The following ITGB5 variants were observed in gnomAD, a reference collection of about 807,000 sequenced individuals.
The protein encoded by ITGB5 is integrin beta-5.
ITGB5 carries 38 observed loss-of-function variants against 84.8 expected under a neutral mutation model. The ratio of observed to expected loss-of-function variants is 0.45; its 90% CI spans 0.35 to 0.59. ITGB5 has a LOEUF of 0.59. ITGB5 is among the 20% of genes least tolerant of loss of function. The pLI, the probability that ITGB5 is intolerant of heterozygous loss-of-function variation, is 0.01. For synonymous variants in ITGB5, 393 were observed against 414.4 expected, an observed-to-expected ratio of 0.95 and a Z score of 0.63; for missense variants, 905 against 1,034.5, an observed-to-expected ratio of 0.87 and a Z score of 1.72.
Position 124,783,286 on chromosome 3 carries a change from G to A in ITGB5, c.1694-9374C>T, listed in dbSNP as rs540780590. On this transcript the variant is annotated intron_variant, in intron 10 of 14. Coordinates refer to ENST00000296181, the MANE Select transcript of ITGB5 (RefSeq NM_002213.5). ...ACCCTGGGCAACAGAGCGAGACTCC[G>A]TCTCAAAAAAAAAAAAAAAAAAAAA... Among the ~76,000 whole-genome samples, 33 of 109,998 alleles carry A rather than the reference G, an allele frequency of 3.0e-4. No homozygotes were observed. The South Asian group carries it at 5.7e-3, about 19-fold the overall frequency. The allele number at this position is 109,998 out of a possible 152,430, so 72.2% of individuals were successfully genotyped here. A position where few individuals can be genotyped will look rare whatever the true frequency, so the allele number is the denominator to read the frequency against.
At chr3:124,870,547 T>C (rs1166327131) in intron 2 of ITGB5, among the ~76,000 whole-genome samples, 1 of 152,042 alleles carries the variant, frequency 6.6e-6, no homozygotes, top group African/African-American at 2.4e-5. Context: ...GCCAAGACGG[T>C]GAAACCCCGT....
chr3:124,854,687 T>C (rs913094396), intron 3 of ITGB5, among the ~76,000 whole-genome samples: 54 of 152,350 alleles, frequency 3.5e-4, no homozygotes, highest in South Asian at 2.5e-3. Context: ...GACAGTGGTG[T>C]TGACTGTACA....
Position 124,769,270 on chromosome 3 carries a change from T to C in ITGB5, c.1917-157A>G, listed in dbSNP as rs565266704. 2.3e-3 allele frequency: 1,414 copies of C among 609,602 alleles called. 5 individuals are homozygous for C. The highest frequency in any genetic ancestry group is 3.2e-3 in the Non-Finnish European group (1,113 of 350,064). 37.8% of individuals were successfully genotyped at this position (609,602 alleles called of 1,614,324 possible). A position where few individuals can be genotyped will look rare whatever the true frequency, so the allele number is the denominator to read the frequency against. Reference sequence around the variant, plus strand: ...GAATGTTTCTGCTCTGCCTTTCTTCTTGTTATGGGAGGAAGCCCAAGGGTT... The same window carrying C: ...GAATGTTTCTGCTCTGCCTTTCTTCCTGTTATGGGAGGAAGCCCAAGGGTT... On this transcript the variant is annotated intron_variant, in intron 11 of 14. Coordinates refer to ENST00000296181, the MANE Select transcript of ITGB5 (RefSeq NM_002213.5).
chr3:124,813,169 T>C (rs1172772504), intron 8 of ITGB5, among the ~76,000 whole-genome samples: 2 of 152,168 alleles, frequency 1.3e-5, no homozygotes, highest in African/African-American at 4.8e-5. Context: ...AAAGTCCAAG[T>C]GCAAGGAGCT....
intron 3 of ITGB5, 48 bp downstream of exon 3, chr3:124,859,194 G>A: frequency 6.4e-7 from 1 of 1,565,424 alleles, no homozygotes; most frequent in Non-Finnish European, 8.8e-7. Context: ...CCTCCCCCAT[G>A]GGCCTTCCTG....
At chr3:124,895,266 G>A (rs1286837821) in intron 1 of ITGB5, among the ~76,000 whole-genome samples, 1 of 152,152 alleles carries the variant, frequency 6.6e-6, no homozygotes, top group Non-Finnish European at 1.5e-5. Context: ...TCACACTGTT[G>A]CCCAGGTTGG....
intron 3 of ITGB5, among the ~76,000 whole-genome samples, chr3:124,858,249 T>G (rs2065246823): frequency 1.3e-5 from 2 of 152,172 alleles, no homozygotes; most frequent in Non-Finnish European, 2.9e-5. Context: ...TACCGTTTCC[T>G]TATATTAAGC....
At chr3:124,783,501 C>A (rs1559930965) in intron 10 of ITGB5, among the ~76,000 whole-genome samples, 1 of 152,158 alleles carries the variant, frequency 6.6e-6, no homozygotes, top group Non-Finnish European at 1.5e-5. Flanking sequence ...TGCCCCACAC[C>A]TAGCATGGTG....
intron 8 of ITGB5, among the ~76,000 whole-genome samples, chr3:124,810,588 A>T (rs1235329905): frequency 1.4e-5 from 2 of 147,416 alleles, no homozygotes; most frequent in African/African-American, 5.2e-5. Flanking sequence ...ACAGAGTGAG[A>T]TTGTTTCTTA....
chr3:124,868,846 C>A (rs1427226196), intron 2 of ITGB5, among the ~76,000 whole-genome samples: 1 of 151,668 alleles, frequency 6.6e-6, no homozygotes, highest in Non-Finnish European at 1.5e-5. Context: ...AAAAAGTAAA[C>A]AAAAGCAAGA....
chr3:124,785,575 A>G lies in ITGB5; in HGVS notation c.1693+10813T>C, dbSNP rs1479118386. On this transcript the variant is annotated intron_variant, in intron 10 of 14. Coordinates refer to ENST00000296181, the MANE Select transcript of ITGB5 (RefSeq NM_002213.5). ...ACTCCAGCCTGGGGAACAGAACGAG[A>G]CTCCATCTCAAAAAAAAAAAAAAAA... Among the ~76,000 whole-genome samples the G allele has an allele frequency of 3.1e-5, 4 of 131,064 alleles. No individual in the cohort carries two copies. In the East Asian group the frequency reaches 8.9e-4, roughly 29 times the overall value. The allele number at this position is 131,064 out of a possible 152,430, so 86.0% of individuals were successfully genotyped here. A position where few individuals can be genotyped will look rare whatever the true frequency, so the allele number is the denominator to read the frequency against.
In ITGB5 at chr3:124,821,285, GA is replaced by G. The variant is rs1405024526; in HGVS notation, c.942+27del. ...GCAGGGTCACAAGAGAGGCAACAGG[GA>G]GGGGGGATCTGGTTCCCGGCACTCA... On this transcript the variant is annotated intron_variant, in intron 6 of 14. Transcript: ENST00000296181. The G allele has an allele frequency of 8.1e-6, 13 of 1,597,268 alleles. 1 individual carries two copies. In the Middle Eastern group the frequency reaches 9.9e-4, roughly 122 times the overall value.
In ITGB5 at chr3:124,764,523, G is replaced by A; in HGVS notation, c.2172C>T (p.Leu724=). 1.2e-6 allele frequency: 2 copies of A among 1,613,892 alleles called. No individual in the cohort carries two copies. Among genetic ancestry groups the A allele is most frequent in the Non-Finnish European group, 1.7e-6 (2 of 1,179,870 alleles). Residue 724 remains leucine (L), a synonymous_variant, in exon 14 of 15, where the codon CTC becomes CTT. Transcript: ENST00000296181. ...CGNTPNAMTI[L]LAVVGSILLV... ...GGAGGATGCTACCGACCACAGCCAG[G>A]AGGATGGTCATGGCGTTGGGGGTGT...
chr3:124,798,047 G>C (rs1008994049), intron 9 of ITGB5, among the ~76,000 whole-genome samples: 3 of 96,554 alleles, frequency 3.1e-5, no homozygotes, highest in African/African-American at 4.4e-5. Context: ...CTTTCGGCTA[G>C]AATAAAGCTT....
intron 12 of ITGB5, 82 bp from the exon 13 acceptor site, chr3:124,766,427 C>T (rs963089285): frequency 1.3e-6 from 2 of 1,540,248 alleles, no homozygotes; most frequent in Non-Finnish European, 1.8e-6. Flanking sequence ...GAGCCGAGTG[C>T]CTTGAAAAAG....
intron 9 of ITGB5, among the ~76,000 whole-genome samples, chr3:124,799,138 C>T (rs978533580): frequency 6.6e-6 from 1 of 152,124 alleles, no homozygotes. Context: ...TAGGAAGAGA[C>T]AAAGGGGAGA....
At chr3:124,859,213 G>A in intron 3 of ITGB5, 29 bp downstream of exon 3, 11 of 1,603,036 alleles carry the variant, frequency 6.9e-6, no homozygotes, top group South Asian at 1.1e-5. Context: ...TGATCCCAGA[G>A]CATCCAGCCC....
At chr3:124,891,479 A>C (rs1342960611), upstream of ITGB5, among the ~76,000 whole-genome samples, 1 of 151,892 alleles carries the variant, frequency 6.6e-6, no homozygotes, top group Non-Finnish European at 1.5e-5. Context: ...CAGGAGTTCA[A>C]GACCGGCCTG....
chr3:124,872,013 C>T (rs970684245), intron 2 of ITGB5, among the ~76,000 whole-genome samples: 4 of 151,756 alleles, frequency 2.6e-5, no homozygotes, highest in African/African-American at 9.7e-5. Context: ...TCAGGTCAGA[C>T]AAGAGATGAT....
Sources: allele counts gnomAD v4.1 joint callset (sites outside exome capture counted in the v4.1 genomes callset), GRCh38; gene constraint gnomAD v4.1.1; transcripts MANE v1.5; gene names NCBI Gene and HGNC (gene_info 2026-07-23, HGNC 2026-07-21).